Variants in DLG2 observed in about 807,000 individuals in gnomAD.
DLG2 encodes the protein disks large homolog 2.
DLG2 carries 45 observed loss-of-function variants against 132.5 expected under a neutral mutation model. The observed-to-expected ratio is 0.34, with a 90% CI of 0.27 to 0.44. The LOEUF is 0.44. DLG2 is among the 20% of genes least tolerant of loss of function. DLG2 has a pLI of 1.00. For missense variants in DLG2, 1,045 were observed against 1,196.9 expected, an observed-to-expected ratio of 0.87 and a Z score of 1.87; for synonymous variants, 424 against 419.6, an observed-to-expected ratio of 1.01 and a Z score of -0.13.
At chr11:83,646,067 A>T (rs1266587666) in intron 18 of DLG2, among the ~76,000 whole-genome samples, 1 of 152,104 alleles carries the variant, frequency 6.6e-6, no homozygotes, top group Non-Finnish European at 1.5e-5. Context: ...TGTTTGATTG[A>T]TTTTAGAATA....
intron 4 of DLG2, among the ~76,000 whole-genome samples, chr11:85,281,979 T>C (rs758989513): frequency 1.3e-5 from 2 of 151,712 alleles, no homozygotes; most frequent in Non-Finnish European, 2.9e-5. Context: ...AACAGATGAA[T>C]GGATAAAGAA....
intron 6 of DLG2, among the ~76,000 whole-genome samples, chr11:84,856,992 G>A (rs952532261): frequency 1.3e-5 from 2 of 151,738 alleles, no homozygotes; most frequent in South Asian, 2.1e-4. Context: ...CTATAGGAGA[G>A]GAGTGTCAAC....
intron 6 of DLG2, among the ~76,000 whole-genome samples, chr11:84,975,818 G>C (rs1350077179): frequency 6.6e-6 from 1 of 152,122 alleles, no homozygotes; most frequent in Non-Finnish European, 1.5e-5. Context: ...TTCTGCATCT[G>C]GTTGATCTGC....
At chr11:85,369,420 G>GT (rs548606885) in intron 3 of DLG2, among the ~76,000 whole-genome samples, 58 of 148,190 alleles carry the variant, frequency 3.9e-4, no homozygotes, top group East Asian at 1.2e-3. Flanking sequence ...TTTTTAAACT[G>GT]TTTTTTTTTT....
intron 3 of DLG2, among the ~76,000 whole-genome samples, chr11:85,563,703 C>A (rs529777767): frequency 1.4e-5 from 2 of 147,266 alleles, no homozygotes; most frequent in South Asian, 4.2e-4. Context: ...TATACCAAAA[C>A]TGGTTTATCT....
chr11:84,292,084 ATGGCCATAT>A (rs1205123629), intron 7 of DLG2, among the ~76,000 whole-genome samples: 1 of 152,146 alleles, frequency 6.6e-6, no homozygotes, highest in Non-Finnish European at 1.5e-5. Context: ...GAAAAATAAC[ATGGCCATAT>A]TGGTTGGAAG....
intron 11 of DLG2, among the ~76,000 whole-genome samples, chr11:84,028,226 TAG>T (rs1481346195): frequency 6.6e-6 from 1 of 152,062 alleles, no homozygotes; most frequent in Non-Finnish European, 1.5e-5. Flanking sequence ...GATCATGACA[TAG>T]AGAGTCGAAC....
rs192232914 is a variant in DLG2 at position 83,997,812 on chromosome 11, T to C, written c.920-17170A>G. 1.0e-3 allele frequency among the ~76,000 whole-genome samples: 149 copies of C among 143,086 alleles called. 3 individuals carry two copies. Among genetic ancestry groups the C allele is most frequent in the Non-Finnish European group, 1.6e-3 (107 of 65,634 alleles). 93.9% of individuals were successfully genotyped at this position (143,086 alleles called of 152,430 possible). ...TCATACAAACAGGAAACCCAAATCG[T>C]TTATCAGGAAAGAAGAGGTGACAAT... is the stretch of plus-strand genomic sequence containing the variant. On this transcript the variant is annotated intron_variant, in intron 11 of 27. Coordinates refer to ENST00000376104, the MANE Select transcript of DLG2 (RefSeq NM_001142699.3).
intron 21 of DLG2, among the ~76,000 whole-genome samples, chr11:83,523,477 C>T (rs1176243357): frequency 6.6e-6 from 1 of 152,122 alleles, no homozygotes; most frequent in Non-Finnish European, 1.5e-5. Context: ...TTTTGATTTG[C>T]TTGCACAATA....
At chr11:85,583,046 G>A (rs1211018370) in intron 3 of DLG2, among the ~76,000 whole-genome samples, 26 of 111,918 alleles carry the variant, frequency 2.3e-4, no homozygotes, top group Non-Finnish European at 2.6e-4. Flanking sequence ...TAGAAACCAG[G>A]GGAAAAAAAA....
intron 14 of DLG2, among the ~76,000 whole-genome samples, chr11:83,956,590 C>T (rs1280056778): frequency 6.6e-6 from 1 of 152,174 alleles, no homozygotes; most frequent in Non-Finnish European, 1.5e-5. Context: ...GCACGGTGGG[C>T]CAAGTAGACA....
intron 7 of DLG2, among the ~76,000 whole-genome samples, chr11:84,280,323 C>T (rs1487444482): frequency 1.4e-5 from 2 of 142,806 alleles, no homozygotes; most frequent in South Asian, 2.2e-4. Flanking sequence ...TTTTTTGAGA[C>T]GGAGTCACGC....
intron 3 of DLG2, among the ~76,000 whole-genome samples, chr11:85,538,747 A>G (rs1336373304): frequency 6.6e-6 from 1 of 151,844 alleles, no homozygotes. Context: ...GGGACAGAAA[A>G]CCAAATACTG....
chr11:83,599,062 T>C (rs1276965897), intron 19 of DLG2, among the ~76,000 whole-genome samples: 2 of 152,218 alleles, frequency 1.3e-5, no homozygotes, highest in African/African-American at 4.8e-5. Context: ...CCCTATTTCC[T>C]ATTCCTATTC....
intron 18 of DLG2, among the ~76,000 whole-genome samples, chr11:83,772,671 C>T (rs752242815): frequency 3.9e-5 from 6 of 152,108 alleles, no homozygotes; most frequent in African/African-American, 7.2e-5. Flanking sequence ...GGGAAAATAT[C>T]TTTAGGCATG....
intron 18 of DLG2, among the ~76,000 whole-genome samples, chr11:83,769,396 C>T (rs1052374453): frequency 6.6e-6 from 1 of 152,028 alleles, no homozygotes; most frequent in Admixed American, 6.6e-5. Context: ...CCATGAAGCT[C>T]ATAGTCTCTG....
intron 19 of DLG2, among the ~76,000 whole-genome samples, chr11:83,620,593 T>TA (rs1403832349): frequency 2.0e-5 from 3 of 151,902 alleles, no homozygotes; most frequent in Non-Finnish European, 2.9e-5. Flanking sequence ...AGGACAAAGT[T>TA]AAAAAAATGC....
chr11:83,924,505 G>A (rs1458933419), intron 15 of DLG2, among the ~76,000 whole-genome samples: 3 of 152,012 alleles, frequency 2.0e-5, no homozygotes, highest in Non-Finnish European at 4.4e-5. Flanking sequence ...AAACAAAATG[G>A]CATGTTGTAA....
intron 2 of DLG2, among the ~76,000 whole-genome samples, chr11:85,613,505 A>C (rs189192584): frequency 1.3e-5 from 2 of 152,290 alleles, no homozygotes; most frequent in Non-Finnish European, 2.9e-5. Flanking sequence ...TCAGGTGGGG[A>C]CTTGGAGAAC....
Sources: gnomAD v4.1 joint callset for allele counts (sites outside exome capture counted in the v4.1 genomes callset) on GRCh38, gnomAD v4.1.1 for gene constraint, MANE v1.5 for transcripts, NCBI Gene and HGNC (gene_info 2026-07-23, HGNC 2026-07-21) for gene names.